The following PIK3C3 variants were observed in gnomAD, a reference collection of about 807,000 sequenced individuals.
PIK3C3 encodes the protein PI3-kinase type 3.
A neutral mutation model predicts 126.1 loss-of-function variants in PIK3C3; 95 were observed. That is an observed-to-expected ratio of 0.75 (90% CI 0.64 to 0.89). The LOEUF is 0.89. Ranked by LOEUF, PIK3C3 falls within the 40% of genes least tolerant of loss-of-function variation. The pLI is 0.00. For missense variants in PIK3C3, 829 were observed against 1,063.2 expected (o/e 0.78, Z 3.06); for synonymous variants, 374 against 360.0 (o/e 1.04, Z -0.44).
At chr18:41,975,034 G>C (rs1428134905) in intron 4 of PIK3C3, among the ~76,000 whole-genome samples, 2 of 152,174 alleles carry the variant, frequency 1.3e-5, no homozygotes, top group Non-Finnish European at 2.9e-5. Flanking sequence ...TTTGTACTCT[G>C]TGTGACACAG....
chr18:42,071,597 G>A (rs1022138233), intron 24 of PIK3C3, among the ~76,000 whole-genome samples: 1 of 151,880 alleles, frequency 6.6e-6, no homozygotes, highest in African/African-American at 2.4e-5. Context: ...GCGGGCACCT[G>A]TAATCCCAGC....
intron 8 of PIK3C3, 25 bp downstream of exon 8, chr18:41,996,019 T>A (rs761254578): frequency 6.9e-7 from 1 of 1,442,028 alleles, no homozygotes; most frequent in African/African-American, 1.4e-5. Flanking sequence ...AAATATTAAT[T>A]TAAAAATAGT....
At position 42,076,131 on chromosome 18, in the gene PIK3C3, T is replaced by TATATATATATATGCAC. The variant is rs1985993619; in HGVS notation, c.2650-4978_2650-4977insACATATATATATATGC. Among the ~76,000 whole-genome samples, 13 of 83,444 alleles carry TATATATATATATGCAC rather than the reference T, an allele frequency of 1.6e-4. No individual in the cohort carries two copies. The East Asian group carries it at 2.0e-3, about 13-fold the overall frequency. The allele number at this position is 83,444 out of a possible 152,430, so 54.7% of individuals were successfully genotyped here. ...ATATATATATATATATGCGCATATA[T>TATATATATATATGCAC]ATATATATATATGCGCATATATATA... On this transcript the variant is annotated intron_variant, in intron 24 of 24. Coordinates refer to ENST00000262039, the MANE Select transcript of PIK3C3 (RefSeq NM_002647.4).
chr18:41,962,590 T>C lies in PIK3C3; in HGVS notation c.359T>C (p.Val120Ala). Residue 120 changes from valine to alanine, a missense_variant, in exon 3 of 25, where the codon GTG becomes GCG. Val to Ala is a moderately conservative substitution (Grantham distance 64). This residue lies in a region of PIK3C3 where 313 missense variants were observed against 340.7 expected (regional missense o/e 0.92). Coordinates refer to ENST00000262039, the MANE Select transcript of PIK3C3 (RefSeq NM_002647.4). The stretch of plus-strand genomic sequence containing the variant: ...GATGTGTATGGTCCCGGAAAAGCAG[T>C]GCCTGTAGGAGGAACAACGGTTTCG... ...IWDVYGPGKA[V>A]PVGGTTVSLF... 1.9e-6 allele frequency: 3 copies of C among 1,613,078 alleles called. No homozygotes were observed. Among genetic ancestry groups the C allele is most frequent in the Non-Finnish European group, 2.5e-6 (3 of 1,179,282 alleles).
chr18:42,067,370 AAG>A lies in PIK3C3; in HGVS notation c.2524-15_2524-14del. 6.2e-7 allele frequency: 1 copy of A among 1,613,276 alleles called. No individual in the cohort carries two copies. The highest frequency in any genetic ancestry group is 1.3e-5 in the African/African-American group (1 of 75,046). On this transcript the variant is annotated splice_polypyrimidine_tract_variant and intron_variant, in intron 23 of 24. Coordinates refer to ENST00000262039, the MANE Select transcript of PIK3C3 (RefSeq NM_002647.4). ...CCTATTTTTCTTCGTTGTAAAGACT[AAG>A]AGTGTTATCTTATAGGTTCAGGATA...
chr18:41,987,067 CTTTGATGTCCAG>C (rs1293030676), intron 4 of PIK3C3, among the ~76,000 whole-genome samples: 1 of 151,942 alleles, frequency 6.6e-6, no homozygotes, highest in Admixed American at 6.6e-5. Flanking sequence ...CTATGTAAAG[CTTTGATGTCCAG>C]TTTTGCTTTA....
chr18:41,962,524 C>G lies in PIK3C3; in HGVS notation c.293C>G (p.Pro98Arg). The G allele has an allele frequency of 6.2e-7, 1 of 1,612,912 alleles. No individual in the cohort carries two copies. Among genetic ancestry groups the G allele is most frequent in the Non-Finnish European group, 8.5e-7 (1 of 1,179,226 alleles). The change falls in exon 3 of 25, where the codon CCT becomes CGT. Residue 98 changes from proline to arginine, a missense_variant. By Grantham distance (103) the Pro-to-Arg change is moderately radical. This residue lies in a region of PIK3C3 where 313 missense variants were observed against 340.7 expected (regional missense o/e 0.92). Transcript: ENST00000262039. Reference protein sequence around the residue: ...NEWLKLPVKYPDLPRNAQVAL... With the variant: ...NEWLKLPVKYRDLPRNAQVAL... The stretch of plus-strand genomic sequence containing the variant: ...TGGCTGAAACTACCAGTAAAATACC[C>G]TGACCTGCCCAGGAATGCCCAAGTG...
intron 13 of PIK3C3, among the ~76,000 whole-genome samples, chr18:42,020,930 G>A (rs1295518478): frequency 6.6e-6 from 1 of 152,120 alleles, no homozygotes; most frequent in Non-Finnish European, 1.5e-5. Context: ...CCAGGAGCTA[G>A]GATATAACTG....
intron 22 of PIK3C3, among the ~76,000 whole-genome samples, chr18:42,062,971 A>C (rs1985382629): frequency 6.6e-6 from 1 of 151,952 alleles, no homozygotes; most frequent in Non-Finnish European, 1.5e-5. Flanking sequence ...TAGCCTGATA[A>C]CCCCCATGTT....
chr18:41,971,942 C>T (rs1364881588), intron 4 of PIK3C3, among the ~76,000 whole-genome samples: 2 of 151,886 alleles, frequency 1.3e-5, no homozygotes, highest in Non-Finnish European at 2.9e-5. Context: ...GGCTTCTGTT[C>T]ACCTAAAAAG....
chr18:41,989,225 G>A (rs1437464219), intron 5 of PIK3C3, among the ~76,000 whole-genome samples: 2 of 151,920 alleles, frequency 1.3e-5, no homozygotes, highest in African/African-American at 2.4e-5. Context: ...AGGACTACAG[G>A]CCTGGCTAAT....
chr18:42,075,044 T>C (rs1293449088), intron 24 of PIK3C3, among the ~76,000 whole-genome samples: 2 of 152,176 alleles, frequency 1.3e-5, no homozygotes, highest in Non-Finnish European at 2.9e-5. Context: ...TATTTAGTTC[T>C]TCTTATTTTA....
Position 41,990,445 on chromosome 18 carries a change from A to ATTT in PIK3C3, c.619-6_619-4dup. On this transcript the variant is annotated splice_polypyrimidine_tract_variant and intron_variant, in intron 5 of 24. Transcript: ENST00000262039. ...AAAATAATCATTTTTCATGAAAATC[A>ATTT]TTTTTTTTTTCAGAGTGAAAAACGA... The ATTT allele has an allele frequency of 7.6e-7, 1 of 1,323,698 alleles. No homozygotes were observed. The highest frequency in any genetic ancestry group is 1.1e-6 in the Non-Finnish European group (1 of 937,698). 82.0% of individuals were successfully genotyped at this position (1,323,698 alleles called of 1,614,324 possible). A position where few individuals can be genotyped will look rare whatever the true frequency, so the allele number is the denominator to read the frequency against.
At chr18:42,069,553 T>C (rs553147429) in intron 24 of PIK3C3, among the ~76,000 whole-genome samples, 4 of 152,310 alleles carry the variant, frequency 2.6e-5, no homozygotes, top group African/African-American at 9.6e-5. Flanking sequence ...TGTGTACACC[T>C]TATTTTTTTC....
intron 15 of PIK3C3, among the ~76,000 whole-genome samples, chr18:42,031,094 T>G (rs1983804298): frequency 6.6e-6 from 1 of 152,190 alleles, no homozygotes; most frequent in African/African-American, 2.4e-5. Context: ...ATATATTTAC[T>G]AGAAACAAGC....
At chr18:42,035,161 AT>A (rs547335488) in intron 16 of PIK3C3, among the ~76,000 whole-genome samples, 3 of 149,832 alleles carry the variant, frequency 2.0e-5, no homozygotes, top group South Asian at 2.1e-4. Context: ...ATACAGTGCA[AT>A]TTTTTTTTTA....
chr18:42,030,090 CA>C (rs1454259475), intron 15 of PIK3C3, among the ~76,000 whole-genome samples: 3 of 152,058 alleles, frequency 2.0e-5, no homozygotes, highest in Non-Finnish European at 2.9e-5. Context: ...AGTGCTTTAC[CA>C]CCTCTCATTT....
chr18:42,034,041 A>G lies in PIK3C3; in HGVS notation c.1839+84A>G, dbSNP rs141956494. 208 of 868,562 alleles carry G rather than the reference A, an allele frequency of 2.4e-4. 1 individual carries two copies. The African/African-American group carries it at 3.1e-3, about 13-fold the overall frequency. The allele number at this position is 868,562 out of a possible 1,614,324, so 53.8% of individuals were successfully genotyped here. ...AGATACTACCTTGGAAAACTATTAC[A>G]TTGCAGAGATCACATCTATAATTCT... On this transcript the variant is annotated intron_variant, in intron 16 of 24. Transcript: ENST00000262039.
chr18:42,039,299 C>G (rs1214752802), intron 18 of PIK3C3, among the ~76,000 whole-genome samples: 1 of 152,152 alleles, frequency 6.6e-6, no homozygotes, highest in Non-Finnish European at 1.5e-5. Context: ...CTTTAGGTTC[C>G]TATCCTTCCT....
Sources: gnomAD v4.1 joint callset for allele counts (sites outside exome capture counted in the v4.1 genomes callset) on GRCh38, gnomAD v4.1.1 for gene constraint, gnomAD v4.1.1 regional missense constraint, MANE v1.5 for transcripts, NCBI Gene and HGNC (gene_info 2026-07-23, HGNC 2026-07-21) for gene names.